ZKSCAN7: variants seen among roughly 807,000 people sequenced by gnomAD.
ZKSCAN7 encodes the protein zinc finger with KRAB and SCAN domains 7.
In ZKSCAN7, 38 loss-of-function variants were observed where a neutral mutation model predicts 65.3. The ratio of observed to expected loss-of-function variants is 0.58; its 90% CI spans 0.45 to 0.76. The LOEUF (loss-of-function observed/expected upper bound fraction) is 0.76. ZKSCAN7 is among the 30% of genes least tolerant of loss of function. The probability of loss-of-function intolerance (pLI) is 0.00; values close to 1 mark genes in which losing one functional copy is unlikely to be tolerated. For missense variants in ZKSCAN7, 815 were observed against 913.3 expected (o/e 0.89, Z 1.39); for synonymous variants, 321 against 321.0 (o/e 1.00, Z 0.00).
chr3:44,576,054 AT>A (rs545908230), downstream of ZKSCAN7, among the ~76,000 whole-genome samples: 1 of 151,698 alleles, frequency 6.6e-6, no homozygotes, highest in Non-Finnish European at 1.5e-5. Flanking sequence ...TATATATATA[AT>A]TTTTTTCCCC....
chr3:44,559,554 G>A (rs1284518590), intron 2 of ZKSCAN7, among the ~76,000 whole-genome samples: 1 of 152,052 alleles, frequency 6.6e-6, no homozygotes, highest in Non-Finnish European at 1.5e-5. Flanking sequence ...AGCTTCCCTA[G>A]TAGCTGGGAC....
downstream of ZKSCAN7, among the ~76,000 whole-genome samples, chr3:44,574,784 G>T (rs1434128846): frequency 4.6e-5 from 7 of 151,752 alleles, no homozygotes. Flanking sequence ...ATAAAAATTG[G>T]CCAGGTGTGG....
rs761305742 is a variant in ZKSCAN7 at position 44,570,421 on chromosome 3, A to G, written c.1311A>G (p.Lys437=). 2.5e-5 allele frequency: 41 copies of G among 1,613,634 alleles called. No individual in the cohort carries two copies. The highest frequency in any genetic ancestry group is 6.6e-5 in the South Asian group (6 of 91,050). The stretch of plus-strand genomic sequence containing the variant: ...ATCTCAGAACCCACACAGGGGAAAA[A>G]CCCTATGAATGCAGTGAGTGTGGAA... ...IVHLRTHTGE[K]PYECSECGKA... Residue 437 remains lysine (K), a synonymous_variant, in exon 6 of 6, where the codon AAA becomes AAG. Coordinates refer to ENST00000426540, the MANE Select transcript of ZKSCAN7 (RefSeq NM_001288590.2).
intron 1 of ZKSCAN7, among the ~76,000 whole-genome samples, chr3:44,556,581 T>G (rs1017472092): frequency 6.6e-6 from 1 of 152,240 alleles, no homozygotes; most frequent in African/African-American, 2.4e-5. Context: ...AATAACTTAG[T>G]ATTTTCTCTT....
At chr3:44,578,214 T>A in intron 5 of ZKSCAN7, 7 of 1,521,270 alleles carry the variant, frequency 4.6e-6, no homozygotes, top group Non-Finnish European at 6.4e-6. Flanking sequence ...GATGTCTTTG[T>A]GGTGTCACTT....
chr3:44,572,365 TG>T (rs1478106740), downstream of ZKSCAN7, among the ~76,000 whole-genome samples: 12 of 117,350 alleles, frequency 1.0e-4, no homozygotes, highest in African/African-American at 3.4e-4. Flanking sequence ...TGTGTGTGTG[TG>T]TGTGTGTGTG....
chr3:44,580,547 C>T, intron 5 of ZKSCAN7: 1 of 1,613,796 alleles, frequency 6.2e-7, no homozygotes, highest in Non-Finnish European at 8.5e-7. Context: ...GCTCCACTTT[C>T]CATTTCTTCT....
chr3:44,565,102 C>T (rs1458453269), intron 2 of ZKSCAN7, among the ~76,000 whole-genome samples: 1 of 152,194 alleles, frequency 6.6e-6, no homozygotes, highest in Admixed American at 6.5e-5. Context: ...TGCGCCTGGC[C>T]TATCCTTTGT....
In ZKSCAN7 at chr3:44,571,188, G is replaced by T. The variant is rs1232331354; in HGVS notation, c.2078G>T (p.Cys693Phe). 6.2e-7 allele frequency: 1 copy of T among 1,614,178 alleles called. No homozygotes were observed. The highest frequency in any genetic ancestry group is 1.1e-5 in the South Asian group (1 of 91,082). The change falls in exon 6 of 6, where the codon TGC becomes TTC. Residue 693 changes from cysteine (C) to phenylalanine (F), a missense_variant. Transcript: ENST00000426540. ...RTHTGEKPYK[C>F]NDCGKAFSDS... ...CATACTGGGGAAAAACCCTATAAAT[G>T]CAATGATTGTGGGAAAGCTTTTAGT...
rs1559429841 is a variant in ZKSCAN7 at position 44,571,140 on chromosome 3, GCCT to G, written c.2031_2033del (p.Leu678del). 1 of 1,614,144 alleles carries G rather than the reference GCCT, an allele frequency of 6.2e-7. No individual in the cohort carries two copies. Among genetic ancestry groups the G allele is most frequent in the East Asian group, 2.2e-5 (1 of 44,888 alleles). ...GGGAAGGTATTCAGTTATAGCTCCA[GCCT>G]TATGGTACATCAGAGAACCCATACT... On this transcript the variant is annotated inframe_deletion, in exon 6 of 6. Transcript: ENST00000426540.
intron 5 of ZKSCAN7, among the ~76,000 whole-genome samples, chr3:44,577,361 G>T (rs530567957): frequency 6.6e-6 from 1 of 152,020 alleles, no homozygotes; most frequent in African/African-American, 2.4e-5. Context: ...ATTCTCAGGG[G>T]TGTGGTTCTA....
chr3:44,572,311 C>A (rs1699827667), downstream of ZKSCAN7, among the ~76,000 whole-genome samples: 1 of 151,102 alleles, frequency 6.6e-6, no homozygotes, highest in African/African-American at 2.4e-5. Flanking sequence ...GGAAGTCTTA[C>A]TACTGTTACT....
At chr3:44,568,520 T>G in intron 5 of ZKSCAN7, 87 bp downstream of exon 5, 3 of 1,533,556 alleles carry the variant, frequency 2.0e-6, no homozygotes, top group Non-Finnish European at 2.6e-6. Flanking sequence ...CTTTTTACCA[T>G]GAAAATTTCC....
chr3:44,557,897 G>A (rs898004190), intron 2 of ZKSCAN7, among the ~76,000 whole-genome samples: 1 of 152,200 alleles, frequency 6.6e-6, no homozygotes, highest in Admixed American at 6.5e-5. Flanking sequence ...CCTGAAAGGT[G>A]ACATTTTTGG....
intron 5 of ZKSCAN7, chr3:44,582,932 G>A: frequency 4.7e-6 from 2 of 429,424 alleles, no homozygotes; most frequent in South Asian, 1.7e-5. Context: ...GTGTGTGTGT[G>A]TGTGTGTGTG....
At chr3:44,568,720 A>G (rs757259863) in intron 5 of ZKSCAN7, among the ~76,000 whole-genome samples, 1 of 152,212 alleles carries the variant, frequency 6.6e-6, no homozygotes, top group African/African-American at 2.4e-5. Flanking sequence ...TCATAGGCTT[A>G]AAGGAATGAG....
chr3:44,579,978 G>T lies in ZKSCAN7; in HGVS notation c.812-2994G>T, dbSNP rs555602914. On this transcript the variant is annotated intron_variant, in intron 5 of 5. Coordinates refer to the ZKSCAN7 transcript ENST00000341840. ...CGAGGCGTCTGGGAGAGGAGCTTGG[G>T]GGGGGGCTTCATTGGTGAAGTCCTG... 167 of 1,570,280 alleles carry T rather than the reference G, an allele frequency of 1.1e-4. No individual in the cohort carries two copies. In the East Asian group the frequency reaches 1.5e-3, roughly 15 times the overall value.
At chr3:44,568,182 C>T (rs1358817388) in intron 4 of ZKSCAN7, 125 bp from the exon 5 acceptor site, 7 of 1,537,564 alleles carry the variant, frequency 4.6e-6, no homozygotes, top group East Asian at 4.5e-5. Flanking sequence ...TTCGAGGTGT[C>T]ATCTCAGCTC....
chr3:44,573,051 G>A (rs900793840), downstream of ZKSCAN7, among the ~76,000 whole-genome samples: 2 of 152,014 alleles, frequency 1.3e-5, no homozygotes, highest in Non-Finnish European at 2.9e-5. Context: ...ACCTACAACT[G>A]CCATCTTAAT....
Sources: gnomAD v4.1 joint callset for allele counts (sites outside exome capture counted in the v4.1 genomes callset) on GRCh38, gnomAD v4.1.1 for gene constraint, MANE v1.5 for transcripts, NCBI Gene and HGNC (gene_info 2026-07-23, HGNC 2026-07-21) for gene names.